Variants in FNDC3B observed in about 807,000 individuals in gnomAD.
FNDC3B encodes the protein fibronectin type III domain containing 3B.
A neutral mutation model predicts 151.5 loss-of-function variants in FNDC3B; 12 were observed. That is an observed-to-expected ratio of 0.08 (90% confidence interval 0.05 to 0.13). The LOEUF (loss-of-function observed/expected upper bound fraction) is 0.13. Among genes scored for constraint, FNDC3B ranks in the 10% least tolerant of loss-of-function variants. The pLI, the probability that FNDC3B is intolerant of heterozygous loss-of-function variation, is 1.00. For missense variants in FNDC3B, 1,214 were observed against 1,505.3 expected (o/e 0.81, Z 3.20); for synonymous variants, 528 against 549.0 (o/e 0.96, Z 0.54).
At chr3:172,138,140 C>A (rs1362656791) in intron 3 of FNDC3B, among the ~76,000 whole-genome samples, 1 of 152,214 alleles carries the variant, frequency 6.6e-6, no homozygotes, top group Non-Finnish European at 1.5e-5. Context: ...AGGCCTCTTT[C>A]TTCCAAGAGC....
rs139804842 is a variant in FNDC3B at position 172,265,386 on chromosome 3, A to C, written c.790+13845A>C. On this transcript the variant is annotated intron_variant, in intron 6 of 25. Coordinates refer to ENST00000415807, the MANE Select transcript of FNDC3B (RefSeq NM_022763.4). ...GAACTCAGGTAATGTGTCCACTGCT[A>C]GGATGTTTTTTGCAAATAGATATTA... Among the ~76,000 whole-genome samples the C allele has an allele frequency of 9.9e-3, 1,507 of 152,318 alleles. 23 individuals carry two copies. The highest frequency in any genetic ancestry group is 0.011 in the Non-Finnish European group (757 of 68,016).
At chr3:172,307,578 A>G (rs1179040008) in intron 10 of FNDC3B, 77 bp downstream of exon 10, 1 of 1,479,172 alleles carries the variant, frequency 6.8e-7, no homozygotes, top group Non-Finnish European at 9.3e-7. Flanking sequence ...TCCTAGTCCC[A>G]GCTACCTGGG....
chr3:172,140,893 C>T (rs1358692345), intron 3 of FNDC3B, among the ~76,000 whole-genome samples: 4 of 152,122 alleles, frequency 2.6e-5, no homozygotes, highest in African/African-American at 9.7e-5. Flanking sequence ...ATGTTAAACC[C>T]TTAGATAAAA....
At position 172,378,252 on chromosome 3, in the gene FNDC3B, T is replaced by C. The variant is rs1735256257; in HGVS notation, c.3009-18T>C. 6 of 1,563,212 alleles carry C rather than the reference T, an allele frequency of 3.8e-6. No homozygotes were observed. Among genetic ancestry groups the C allele is most frequent in the Non-Finnish European group, 5.2e-6 (6 of 1,158,568 alleles). On this transcript the variant is annotated intron_variant, in intron 23 of 25. Coordinates refer to ENST00000415807, the MANE Select transcript of FNDC3B (RefSeq NM_022763.4). ...AGTAGACGTTCAGATGGCTAATTGA[T>C]TCTGCTCCTTCTTCTAGGTTTATTT...
chr3:172,063,544 C>T (rs1368803785), intron 1 of FNDC3B, among the ~76,000 whole-genome samples: 1 of 152,178 alleles, frequency 6.6e-6, no homozygotes, highest in Non-Finnish European at 1.5e-5. Context: ...TTTCCCTTAC[C>T]AGGATTCTGA....
chr3:172,193,907 G>A (rs774165810), intron 3 of FNDC3B, among the ~76,000 whole-genome samples: 6 of 152,132 alleles, frequency 3.9e-5, no homozygotes, highest in Non-Finnish European at 8.8e-5. Flanking sequence ...TTGTGGGTGA[G>A]CAGGCCAAAT....
intron 23 of FNDC3B, among the ~76,000 whole-genome samples, chr3:172,367,629 T>C (rs913013725): frequency 1.3e-5 from 2 of 152,234 alleles, no homozygotes; most frequent in Non-Finnish European, 2.9e-5. Context: ...CCGATGACTT[T>C]GAAGATGCGT....
intron 4 of FNDC3B, among the ~76,000 whole-genome samples, chr3:172,241,172 G>C (rs1015226699): frequency 6.6e-6 from 1 of 152,126 alleles, no homozygotes. Context: ...TTTAAATCAG[G>C]CAAGGCTTGT....
At chr3:172,136,322 TTGTTAATGAAGTGAGATCTAC>T (rs755099669) in intron 3 of FNDC3B, among the ~76,000 whole-genome samples, 20 of 152,182 alleles carry the variant, frequency 1.3e-4, no homozygotes, top group Middle Eastern at 3.2e-3. Flanking sequence ...GGCGAGCACT[TTGTTAATGAAGTGAGATCTAC>T]TGGTTGAGCA....
intron 3 of FNDC3B, among the ~76,000 whole-genome samples, chr3:172,209,133 G>A (rs968930512): frequency 6.6e-6 from 1 of 151,640 alleles, no homozygotes; most frequent in Non-Finnish European, 1.5e-5. Flanking sequence ...GGGGGTGGGG[G>A]TGGGGGTCGT....
Position 172,397,692 on chromosome 3 carries a change from A to G in FNDC3B, c.*217A>G. The G allele has an allele frequency of 8.7e-6, 3 of 343,242 alleles. No individual in the cohort carries two copies. Among genetic ancestry groups the G allele is most frequent in the Non-Finnish European group, 1.6e-5 (3 of 193,294 alleles). 21.3% of individuals were successfully genotyped at this position (343,242 alleles called of 1,614,324 possible). A position where few individuals can be genotyped will look rare whatever the true frequency, so the allele number is the denominator to read the frequency against. ...TTTTTTTTTTAAAAAAAAGAAAAAAAAAGAAGAAAAGTATACCAGATACCA... is the reference window on the plus strand; with the variant it reads ...TTTTTTTTTTAAAAAAAAGAAAAAAGAAGAAGAAAAGTATACCAGATACCA... On this transcript the variant is annotated 3_prime_UTR_variant, in exon 26 of 26. Coordinates refer to ENST00000415807, the MANE Select transcript of FNDC3B (RefSeq NM_022763.4).
chr3:172,086,597 T>C (rs1718558109), intron 1 of FNDC3B, among the ~76,000 whole-genome samples: 1 of 152,244 alleles, frequency 6.6e-6, no homozygotes, highest in Admixed American at 6.5e-5. Flanking sequence ...AAAGGAACTA[T>C]GTAAGTGAAA....
intron 6 of FNDC3B, among the ~76,000 whole-genome samples, chr3:172,276,613 C>T (rs1729445939): frequency 6.6e-6 from 1 of 152,180 alleles, no homozygotes; most frequent in African/African-American, 2.4e-5. Context: ...AGGTTTTACA[C>T]ACAATACCTT....
Position 172,247,587 on chromosome 3 carries a change from GAGT to G in FNDC3B, c.320_322del (p.Glu107_Cys108delinsGly), listed in dbSNP as rs1358897512. 2.5e-6 allele frequency: 4 copies of G among 1,614,064 alleles called. No homozygotes were observed. The highest frequency in any genetic ancestry group is 3.4e-6 in the Non-Finnish European group (4 of 1,179,966). On this transcript the variant is annotated inframe_deletion, in exon 5 of 26. Transcript: ENST00000415807. ...GGTGGTGGTCACACCCCAGTCTCCT[GAGT>G]GTTATCCCCCAAGCTACCCCTCAGC...
chr3:172,286,094 G>A (rs2108826093), intron 7 of FNDC3B, 110 bp downstream of exon 7: 1 of 737,724 alleles, frequency 1.4e-6, no homozygotes, highest in East Asian at 2.6e-5. Flanking sequence ...CTTTCCCTTT[G>A]CAGATTACTC....
rs1417310996 is a variant in FNDC3B, at chr3:172,347,264, A to G, written c.2417A>G (p.Glu806Gly). 6.2e-7 allele frequency: 1 copy of G among 1,614,010 alleles called. No homozygotes were observed. Among genetic ancestry groups the G allele is most frequent in the Admixed American group, 1.7e-5 (1 of 60,018 alleles). The stretch of plus-strand genomic sequence containing the variant: ...TCAGAGTACAGGTTGGAATGGGGAG[A>G]AGATGAAGAATCCTTAGAACTCATT... Reference protein sequence around the residue: ...DISEYRLEWGEDEESLELIYH... With the variant: ...DISEYRLEWGGDEESLELIYH... Residue 806 changes from glutamate to glycine, a missense_variant, in exon 21 of 26, where the codon GAA becomes GGA. Physicochemically the swap from Glu to Gly is moderately conservative, Grantham distance 98. This residue lies in a region of FNDC3B where 380 missense variants were observed against 420.9 expected (regional missense o/e 0.90). Coordinates refer to ENST00000415807, the MANE Select transcript of FNDC3B (RefSeq NM_022763.4).
intron 1 of FNDC3B, among the ~76,000 whole-genome samples, chr3:172,059,605 AT>A (rs926919252): frequency 6.6e-6 from 1 of 152,178 alleles, no homozygotes; most frequent in African/African-American, 2.4e-5. Context: ...TTTATTTGAA[AT>A]TTATCTAGTA....
At chr3:172,046,466 C>T (rs372161741) in intron 1 of FNDC3B, among the ~76,000 whole-genome samples, 2 of 151,798 alleles carry the variant, frequency 1.3e-5, no homozygotes, top group African/African-American at 2.4e-5. Context: ...TATAGGTTCA[C>T]GCCACCATGC....
At chr3:172,336,388 G>T (rs1251090348) in intron 15 of FNDC3B, among the ~76,000 whole-genome samples, 2 of 152,142 alleles carry the variant, frequency 1.3e-5, no homozygotes, top group East Asian at 3.8e-4. Flanking sequence ...GGTGCCTAGG[G>T]CTCTAGTCAT....
Sources: allele counts gnomAD v4.1 joint callset (sites outside exome capture counted in the v4.1 genomes callset), GRCh38; gene constraint gnomAD v4.1.1; regional missense constraint gnomAD v4.1.1; transcripts MANE v1.5; gene names NCBI Gene and HGNC (gene_info 2026-07-23, HGNC 2026-07-21).